The following ATP8A2 variants were observed in gnomAD, a reference collection of about 807,000 sequenced individuals.
The protein encoded by ATP8A2 is phospholipid-transporting ATPase IB.
ATP8A2 carries 100 observed loss-of-function variants against 165.6 expected under a neutral mutation model. That is an observed-to-expected ratio of 0.60 (90% CI 0.51 to 0.71). The LOEUF is 0.71. ATP8A2 is among the 30% of genes least tolerant of loss of function. The probability of loss-of-function intolerance (pLI) is 0.00; values close to 1 mark genes in which losing one functional copy is unlikely to be tolerated. For synonymous variants in ATP8A2, 543 were observed against 548.8 expected (o/e 0.99, Z 0.15); for missense variants, 1,227 against 1,479.5 (o/e 0.83, Z 2.80).
chr13:25,997,613 T>C (rs1187015619), intron 35 of ATP8A2, among the ~76,000 whole-genome samples: 5 of 152,198 alleles, frequency 3.3e-5, no homozygotes, highest in African/African-American at 1.2e-4. Context: ...TCTGTTAATT[T>C]TTATAGTCTA....
chr13:25,577,541 T>C (rs146534213), intron 20 of ATP8A2, among the ~76,000 whole-genome samples: 13 of 152,286 alleles, frequency 8.5e-5, no homozygotes, highest in Non-Finnish European at 1.9e-4. Flanking sequence ...TCAATTGTTA[T>C]GTTTTTTTCT....
intron 35 of ATP8A2, among the ~76,000 whole-genome samples, chr13:26,003,173 A>C (rs1593700196): frequency 6.7e-6 from 1 of 149,480 alleles, no homozygotes; most frequent in Middle Eastern, 3.6e-3. Context: ...TTTTCTCTGC[A>C]TTCTCACCAA....
intron 6 of ATP8A2, among the ~76,000 whole-genome samples, chr13:25,535,396 A>G (rs2038245918): frequency 1.3e-5 from 2 of 152,190 alleles, no homozygotes; most frequent in Admixed American, 6.5e-5. Context: ...TACTTCCTCA[A>G]AATTAAGAGA....
intron 2 of ATP8A2, among the ~76,000 whole-genome samples, chr13:25,482,597 T>C (rs1262416939): frequency 6.6e-6 from 1 of 151,986 alleles, no homozygotes; most frequent in Non-Finnish European, 1.5e-5. Flanking sequence ...GAAGGTGATG[T>C]GGTTTGGCTC....
chr13:25,897,100 C>T (rs1953577706), intron 33 of ATP8A2, among the ~76,000 whole-genome samples: 1 of 152,122 alleles, frequency 6.6e-6, no homozygotes, highest in Non-Finnish European at 1.5e-5. Flanking sequence ...TTATTTTGCT[C>T]GTTAGTTGAT....
intron 2 of ATP8A2, among the ~76,000 whole-genome samples, chr13:25,502,922 T>A (rs531023646): frequency 6.6e-6 from 1 of 152,212 alleles, no homozygotes; most frequent in Non-Finnish European, 1.5e-5. Flanking sequence ...AGAGGCATTG[T>A]CAAACCTGAG....
intron 36 of ATP8A2, among the ~76,000 whole-genome samples, chr13:26,018,045 C>G (rs7337782): frequency 0.027 from 4,070 of 152,330 alleles, 167 homozygotes; most frequent in African/African-American, 0.086. Context: ...ATCACCTTCT[C>G]TCCCGCCCAC....
chr13:25,660,621 A>T (rs889779570), intron 24 of ATP8A2, among the ~76,000 whole-genome samples: 1 of 152,136 alleles, frequency 6.6e-6, no homozygotes, highest in Non-Finnish European at 1.5e-5. Context: ...TTAACTAAAG[A>T]TGACAAATTA....
At chr13:25,806,380 G>A (rs988031276) in intron 27 of ATP8A2, among the ~76,000 whole-genome samples, 5 of 151,974 alleles carry the variant, frequency 3.3e-5, no homozygotes, top group East Asian at 1.9e-4. Flanking sequence ...AGGCATTTGC[G>A]CAGGCCCACT....
chr13:26,005,992 C>A (rs911919538), intron 35 of ATP8A2, among the ~76,000 whole-genome samples: 2 of 151,504 alleles, frequency 1.3e-5, no homozygotes, highest in African/African-American at 4.8e-5. Flanking sequence ...ATTTTGGGTC[C>A]CTTATAATTC....
At chr13:25,524,753 G>A (rs1175299128) in intron 2 of ATP8A2, among the ~76,000 whole-genome samples, 1 of 151,964 alleles carries the variant, frequency 6.6e-6, no homozygotes, top group Non-Finnish European at 1.5e-5. Context: ...ATATAGCTGA[G>A]TCTTGTTTCT....
intron 24 of ATP8A2, among the ~76,000 whole-genome samples, chr13:25,654,494 A>T (rs1454929656): frequency 6.6e-6 from 1 of 152,232 alleles, no homozygotes; most frequent in Non-Finnish European, 1.5e-5. Context: ...GGCGTGAGCC[A>T]CTGTGCCCTG....
At chr13:25,622,077 G>A (rs886578673) in intron 24 of ATP8A2, among the ~76,000 whole-genome samples, 17 of 151,962 alleles carry the variant, frequency 1.1e-4, no homozygotes, top group South Asian at 4.2e-4. Context: ...ATGGTGGTGC[G>A]CACCTGTAAT....
At chr13:25,495,141 C>T (rs969905352) in intron 2 of ATP8A2, among the ~76,000 whole-genome samples, 1 of 151,970 alleles carries the variant, frequency 6.6e-6, no homozygotes, top group Non-Finnish European at 1.5e-5. Context: ...AAGTCGACAA[C>T]GTTCCAGTTA....
chr13:25,473,962 A>G (rs1224150972), intron 2 of ATP8A2, among the ~76,000 whole-genome samples: 1 of 152,222 alleles, frequency 6.6e-6, no homozygotes, highest in Non-Finnish European at 1.5e-5. Context: ...AGACATATGT[A>G]ATCTTTCTAT....
intron 1 of ATP8A2, among the ~76,000 whole-genome samples, chr13:25,468,086 C>A (rs2137514813): frequency 6.6e-6 from 1 of 152,234 alleles, no homozygotes; most frequent in Middle Eastern, 3.4e-3. Context: ...AGGTTAAGAT[C>A]TACGTGCGGG....
chr13:25,548,558 G>C (rs2038723104), intron 10 of ATP8A2, among the ~76,000 whole-genome samples: 1 of 152,138 alleles, frequency 6.6e-6, no homozygotes, highest in Non-Finnish European at 1.5e-5. Context: ...TAAGAGTTAG[G>C]ATGACCAGTC....
chr13:25,968,724 G>T (rs764688249), intron 35 of ATP8A2, 45 bp downstream of exon 35: 2 of 1,473,998 alleles, frequency 1.4e-6, no homozygotes, highest in Non-Finnish European at 9.4e-7. Context: ...GGTGCTCCCG[G>T]CCCTTTTCCC....
intron 2 of ATP8A2, among the ~76,000 whole-genome samples, chr13:25,484,539 C>CA (rs2036295208): frequency 6.6e-6 from 1 of 151,824 alleles, no homozygotes; most frequent in South Asian, 2.1e-4. Context: ...TTTTTTGAGA[C>CA]AGAGTCTCGC....
Sources: allele counts gnomAD v4.1 joint callset (sites outside exome capture counted in the v4.1 genomes callset), GRCh38; gene constraint gnomAD v4.1.1; transcripts MANE v1.5; gene names NCBI Gene and HGNC (gene_info 2026-07-23, HGNC 2026-07-21).